AP5Z1: variants seen among roughly 807,000 people sequenced by gnomAD.
AP5Z1 encodes the protein adaptor related protein complex 5 subunit zeta 1.
A neutral mutation model predicts 83.0 loss-of-function variants in AP5Z1; 106 were observed. The ratio of observed to expected loss-of-function variants is 1.28; its 90% CI spans 1.09 to 1.50. AP5Z1 has a LOEUF of 1.50. Ranked by LOEUF, AP5Z1 falls within the 40% of genes most tolerant of loss-of-function variation. The pLI, the probability that AP5Z1 is intolerant of heterozygous loss-of-function variation, is 0.00. For synonymous variants in AP5Z1, 751 were observed against 514.1 expected (o/e 1.46, Z -6.23); for missense variants, 1,565 against 1,094.2 (o/e 1.43, Z -6.07).
chr7:4,789,700 T>C, intron 13 of AP5Z1, 132 bp from the exon 14 acceptor site: 1 of 628,948 alleles, frequency 1.6e-6, no homozygotes, highest in Non-Finnish European at 2.7e-6. Context: ...TGTCCCTGGG[T>C]GTTGGGGAAG....
chr7:4,785,832 C>A, intron 9 of AP5Z1, 148 bp downstream of exon 9: 1 of 1,181,696 alleles, frequency 8.5e-7, no homozygotes, highest in Non-Finnish European at 1.1e-6. Flanking sequence ...GTCTGGAACT[C>A]GTGGCCTCAA....
intron 16 of AP5Z1, 24 bp from the exon 17 acceptor site, chr7:4,791,091 G>A: frequency 6.5e-7 from 1 of 1,549,636 alleles, no homozygotes; most frequent in East Asian, 2.3e-5. Context: ...ATCTGCAGCT[G>A]ACGGAGGGAC....
In AP5Z1 at chr7:4,792,961, T is replaced by G. The variant is rs539916245; in HGVS notation, c.*1576T>G. ...CCCACTGAGTCCGCAGCTCCCCTCC[T>G]GCCCTGGGGCGGGGCTTCCCTGACC... On this transcript the variant is annotated 3_prime_UTR_variant, in exon 17 of 17. Coordinates refer to ENST00000649063, the MANE Select transcript of AP5Z1 (RefSeq NM_014855.3). 7.0e-4 allele frequency: 113 copies of G among 162,454 alleles called. 1 individual carries two copies. The highest frequency in any genetic ancestry group is 3.4e-3 in the Admixed American group (58 of 17,000). 10.1% of individuals were successfully genotyped at this position (162,454 alleles called of 1,614,324 possible). A position where few individuals can be genotyped will look rare whatever the true frequency, so the allele number is the denominator to read the frequency against.
rs201649046 is a variant in AP5Z1, at chr7:4,791,230, C to G, written c.2269C>G (p.Leu757Val). The part of the protein sequence containing the change: ...IRTRATELLT[L>V]LKMPSVAQFV... The stretch of plus-strand genomic sequence containing the variant: ...TACCCGGGCCACAGAGCTGCTGACC[C>G]TGCTGAAGATGCCTAGCGTGGCCCA... The change falls in exon 17 of 17, where the codon CTG (leucine) becomes GTG (valine). Residue 757 changes from leucine (L) to valine (V), a missense_variant. By Grantham distance (32) the Leu-to-Val change is conservative. Transcript: ENST00000649063. The G allele has an allele frequency of 1.2e-5, 19 of 1,612,706 alleles. No homozygotes were observed. The highest frequency in any genetic ancestry group is 1.5e-5 in the Non-Finnish European group (18 of 1,179,870).
chr7:4,790,885 C>T lies in AP5Z1; in HGVS notation c.2151C>T (p.Pro717=), dbSNP rs1781745482. 2 of 1,599,762 alleles carry T rather than the reference C, an allele frequency of 1.3e-6. No individual in the cohort carries two copies. Among genetic ancestry groups the T allele is most frequent in the East Asian group, 4.5e-5 (2 of 44,290 alleles). Residue 717 remains proline, a splice_region_variant and synonymous_variant, in exon 16 of 17, where the codon CCC becomes CCT. Coordinates refer to ENST00000649063, the MANE Select transcript of AP5Z1 (RefSeq NM_014855.3). ...KLASRSQDLI[P]RASLLLSKMR... ...CCTCCCGGAGCCAAGATCTGATCCC[C>T]AGGTGCCTGGTCAGGGAGGGAGCGA...
At position 4,785,079 on chromosome 7, in the gene AP5Z1, C is replaced by G. The variant is rs752587275; in HGVS notation, c.931+31C>G. ...TCCCCCACCCAGGGCACTGGCCTCC[C>G]CAGGGCTCGACGCACCTGCTCTGCA... On this transcript the variant is annotated intron_variant, in intron 7 of 16. Coordinates refer to ENST00000649063, the MANE Select transcript of AP5Z1 (RefSeq NM_014855.3). 3 of 1,566,860 alleles carry G rather than the reference C, an allele frequency of 1.9e-6. No homozygotes were observed. In the South Asian group the frequency reaches 3.5e-5, roughly 19 times the overall value.
chr7:4,780,977 C>T (rs904984864), intron 1 of AP5Z1, among the ~76,000 whole-genome samples, 198 bp from the exon 2 acceptor site: 1 of 152,154 alleles, frequency 6.6e-6, no homozygotes, highest in Non-Finnish European at 1.5e-5. Flanking sequence ...AGCGATGGAT[C>T]GGGAAATCCC....
At chr7:4,788,980 C>T in intron 13 of AP5Z1, 29 bp downstream of exon 13, 1 of 1,585,214 alleles carries the variant, frequency 6.3e-7, no homozygotes, top group Admixed American at 1.7e-5. Flanking sequence ...GCCCCCCATT[C>T]CCACAGGCCT....
At position 4,793,809 on chromosome 7, in the gene AP5Z1, CG is replaced by C. The variant is rs1228941550; in HGVS notation, c.*2425del. ...TCCTGCGCAGTCCGAGCCTCCCCAA[CG>C]AGTGTTGCCACCTGCTCAGGGCACC... On this transcript the variant is annotated 3_prime_UTR_variant, in exon 17 of 17. Coordinates refer to ENST00000649063, the MANE Select transcript of AP5Z1 (RefSeq NM_014855.3). 1.3e-5 allele frequency: 2 copies of C among 153,212 alleles called. No individual in the cohort carries two copies. Among genetic ancestry groups the C allele is most frequent in the African/African-American group, 4.8e-5 (2 of 41,488 alleles). 9.5% of individuals were successfully genotyped at this position (153,212 alleles called of 1,614,324 possible). A position where few individuals can be genotyped will look rare whatever the true frequency, so the allele number is the denominator to read the frequency against.
chr7:4,785,712 T>G (rs1259785265), intron 9 of AP5Z1, 28 bp downstream of exon 9: 2 of 1,453,960 alleles, frequency 1.4e-6, no homozygotes, highest in Non-Finnish European at 1.8e-6. Flanking sequence ...TGGCGCTGAC[T>G]CGGGGCTCTG....
chr7:4,787,780 G>A lies in AP5Z1; in HGVS notation c.1454+4G>A. 6.5e-7 allele frequency: 1 copy of A among 1,529,996 alleles called. No individual in the cohort carries two copies. The highest frequency in any genetic ancestry group is 1.2e-5 in the South Asian group (1 of 83,604). 94.8% of individuals were successfully genotyped at this position (1,529,996 alleles called of 1,614,324 possible). A position where few individuals can be genotyped will look rare whatever the true frequency, so the allele number is the denominator to read the frequency against. Reference sequence around the variant, plus strand: ...CGGTGCTGGACCTGCAGCTCAGGTGGGCCCCTCACCCTCTGCCAGCGCTGC... The same window carrying A: ...CGGTGCTGGACCTGCAGCTCAGGTGAGCCCCTCACCCTCTGCCAGCGCTGC... On this transcript the variant is annotated splice_donor_region_variant and intron_variant, in intron 11 of 16. Coordinates refer to ENST00000649063, the MANE Select transcript of AP5Z1 (RefSeq NM_014855.3).
At chr7:4,779,841 T>G (rs1465397950) in intron 1 of AP5Z1, among the ~76,000 whole-genome samples, 1 of 151,872 alleles carries the variant, frequency 6.6e-6, no homozygotes, top group African/African-American at 2.4e-5. Context: ...ACGGGGTTTC[T>G]CCATGTTAGC....
Position 4,791,475 on chromosome 7 carries a change from G to A in AP5Z1, c.*90G>A, listed in dbSNP as rs144772761. 1.9e-4 allele frequency: 280 copies of A among 1,472,474 alleles called. 2 individuals carry two copies. In the African/African-American group the frequency reaches 2.4e-3, roughly 13 times the overall value. 91.2% of individuals were successfully genotyped at this position (1,472,474 alleles called of 1,614,324 possible). A position where few individuals can be genotyped will look rare whatever the true frequency, so the allele number is the denominator to read the frequency against. On this transcript the variant is annotated 3_prime_UTR_variant, in exon 17 of 17. Transcript: ENST00000649063. ...CAGGCTGATAGGAGCTCAGGAGGGC[G>A]CGGGAGTCCTGGGAGAGGAGGCAAG...
chr7:4,791,522 C>G lies in AP5Z1; in HGVS notation c.*137C>G. The G allele has an allele frequency of 1.5e-6, 2 of 1,292,210 alleles. No homozygotes were observed. The highest frequency in any genetic ancestry group is 1.5e-5 in the African/African-American group (1 of 66,998). The allele number at this position is 1,292,210 out of a possible 1,614,324, so 80.0% of individuals were successfully genotyped here. On this transcript the variant is annotated 3_prime_UTR_variant, in exon 17 of 17. Transcript: ENST00000649063. ...CAAGGCCCACGGTGGGCTTGGCACCCTCACAGACACGCGGGGCTGGCCCCC... is the reference window on the plus strand; with the variant it reads ...CAAGGCCCACGGTGGGCTTGGCACCGTCACAGACACGCGGGGCTGGCCCCC...
In AP5Z1 at chr7:4,791,509, T is replaced by C; in HGVS notation, c.*124T>C. The stretch of plus-strand genomic sequence containing the variant: ...CTGGGAGAGGAGGCAAGGCCCACGG[T>C]GGGCTTGGCACCCTCACAGACACGC... On this transcript the variant is annotated 3_prime_UTR_variant, in exon 17 of 17. Coordinates refer to ENST00000649063, the MANE Select transcript of AP5Z1 (RefSeq NM_014855.3). 7.2e-7 allele frequency: 1 copy of C among 1,387,908 alleles called. No individual in the cohort carries two copies. Among genetic ancestry groups the C allele is most frequent in the Non-Finnish European group, 9.6e-7 (1 of 1,037,200 alleles). The allele number at this position is 1,387,908 out of a possible 1,614,324, so 86.0% of individuals were successfully genotyped here. A position where few individuals can be genotyped will look rare whatever the true frequency, so the allele number is the denominator to read the frequency against.
At position 4,791,157 on chromosome 7, in the gene AP5Z1, T is replaced by G. The variant is rs1472223606; in HGVS notation, c.2196T>G (p.Ser732Arg). 6.2e-7 allele frequency: 1 copy of G among 1,609,286 alleles called. No individual in the cohort carries two copies. Among genetic ancestry groups the G allele is most frequent in the Non-Finnish European group, 8.5e-7 (1 of 1,178,580 alleles). The change falls in exon 17 of 17, where the codon AGT becomes AGG. Residue 732 changes from serine (S) to arginine (R), a missense_variant. Transcript: ENST00000649063. ...LLSKMRTLAH[S>R]PATSSTHSEE... Reference sequence around the variant, plus strand: ...CAAAGATGAGGACCCTGGCTCACAGTCCAGCCACCAGCTCCACGCACAGCG... The same window carrying G: ...CAAAGATGAGGACCCTGGCTCACAGGCCAGCCACCAGCTCCACGCACAGCG...
rs528121408 is a variant in AP5Z1 at position 4,775,644 on chromosome 7, C to T, written c.-72C>T. On this transcript the variant is annotated 5_prime_UTR_variant, in exon 1 of 17. Coordinates refer to ENST00000649063, the MANE Select transcript of AP5Z1 (RefSeq NM_014855.3). Reference sequence around the variant, plus strand: ...ACGTGACGCGGTCCCGGAAGTTGACCGGGGTGCGGAGCTCCTGGGCTGCAG... The same window carrying T: ...ACGTGACGCGGTCCCGGAAGTTGACTGGGGTGCGGAGCTCCTGGGCTGCAG... 1.3e-5 allele frequency: 21 copies of T among 1,591,242 alleles called. No homozygotes were observed. The highest frequency in any genetic ancestry group is 1.8e-5 in the Non-Finnish European group (21 of 1,172,828).
Position 4,781,251 on chromosome 7 carries a change from G to T in AP5Z1, c.118G>T (p.Asp40Tyr), listed in dbSNP as rs750954510. ...GCTGCAGGCGGAGGACTTGGGGCCG[G>T]ACACCCTCGACTCCCTGCAGAGGCT... ...KLLQAEDLGP[D>Y]TLDSLQRLFL... Residue 40 changes from aspartate to tyrosine, a missense_variant, in exon 2 of 17, where the codon GAC becomes TAC. Physicochemically the swap from Asp to Tyr is radical, Grantham distance 160. Coordinates refer to ENST00000649063, the MANE Select transcript of AP5Z1 (RefSeq NM_014855.3). 6.2e-7 allele frequency: 1 copy of T among 1,613,874 alleles called. No homozygotes were observed. The highest frequency in any genetic ancestry group is 8.5e-7 in the Non-Finnish European group (1 of 1,179,844).
intron 1 of AP5Z1, among the ~76,000 whole-genome samples, chr7:4,778,664 C>T (rs1410441545): frequency 1.3e-5 from 2 of 150,922 alleles, no homozygotes; most frequent in South Asian, 2.1e-4. Context: ...GGAATTTAAT[C>T]GGGATGAGGG....
Sources: gnomAD v4.1 joint callset for allele counts (sites outside exome capture counted in the v4.1 genomes callset) on GRCh38, gnomAD v4.1.1 for gene constraint, MANE v1.5 for transcripts, NCBI Gene and HGNC (gene_info 2026-07-23, HGNC 2026-07-21) for gene names.